TPR: variants seen among roughly 807,000 people sequenced by gnomAD.
TPR encodes the protein nucleoprotein TPR.
In TPR, 51 loss-of-function variants were observed where a neutral mutation model predicts 316.1. The ratio of observed to expected loss-of-function variants is 0.16; its 90% CI spans 0.13 to 0.20. The LOEUF (loss-of-function observed/expected upper bound fraction) is 0.20, where lower values mean the gene tolerates loss of function less well. Ranked by LOEUF, TPR falls within the 10% of genes least tolerant of loss-of-function variation. The pLI, the probability that TPR is intolerant of heterozygous loss-of-function variation, is 1.00. For synonymous variants in TPR, 981 were observed against 914.7 expected, an observed-to-expected ratio of 1.07 and a Z score of -1.31; for missense variants, 2,272 against 2,754.8, an observed-to-expected ratio of 0.82 and a Z score of 3.92.
chr1:186,349,673 A>AT lies in TPR; in HGVS notation c.2776+549_2776+550insA, dbSNP rs1194394984. On this transcript the variant is annotated intron_variant, in intron 21 of 50. Coordinates refer to ENST00000367478, the MANE Select transcript of TPR (RefSeq NM_003292.3). ...AGACTCTCTCTCAAAAAAAAAAAAA[A>AT]AAATAAATAAATAAATAAAACCATA... Among the ~76,000 whole-genome samples, 453 of 139,818 alleles carry AT rather than the reference A, an allele frequency of 3.2e-3. 2 individuals carry two copies. Among genetic ancestry groups the AT allele is most frequent in the East Asian group, 0.013 (63 of 4,798 alleles). 91.7% of individuals were successfully genotyped at this position (139,818 alleles called of 152,430 possible).
Position 186,339,652 on chromosome 1 carries a change from C to A in TPR, c.4141G>T (p.Glu1381Ter). 6.4e-7 allele frequency: 1 copy of A among 1,573,938 alleles called. No homozygotes were observed. Among genetic ancestry groups the A allele is most frequent in the Non-Finnish European group, 8.6e-7 (1 of 1,163,384 alleles). The change falls in exon 30 of 51, where the codon GAA (glutamate) becomes TAA (stop). Residue 1381 changes from glutamate to a stop codon, truncating the protein, a stop_gained. Coordinates refer to ENST00000367478, the MANE Select transcript of TPR (RefSeq NM_003292.3). LOFTEE classifies it high-confidence loss of function. ...LTEEIGRLKA[E>*]IARSNASLTN... ...CTTCTTTCCATATACCTTGCAATTT[C>A]AGCTTTAAGTCTACCAATTTCTTCT...
rs79758519 is a variant in TPR, at chr1:186,343,591, A to G, written c.3603-118T>C. On this transcript the variant is annotated intron_variant, in intron 26 of 50. Transcript: ENST00000367478. ...ACTTTAATAACTATTACACGTTTTC[A>G]TTAATAATAAATAATAATGGGAGAT... 1.5e-3 allele frequency: 1,356 copies of G among 917,642 alleles called. 17 individuals carry two copies. In the African/African-American group the frequency reaches 0.021, roughly 14 times the overall value. The allele number at this position is 917,642 out of a possible 1,614,324, so 56.8% of individuals were successfully genotyped here. A position where few individuals can be genotyped will look rare whatever the true frequency, so the allele number is the denominator to read the frequency against.
intron 6 of TPR, 78 bp from the exon 7 acceptor site, chr1:186,362,458 A>G: frequency 1.7e-6 from 2 of 1,149,144 alleles, no homozygotes; most frequent in South Asian, 1.4e-5. Context: ...TATGCTGCTA[A>G]GGAAAAGCTA....
Position 186,333,377 on chromosome 1 carries a change from G to A in TPR, c.5200C>T (p.Pro1734Ser), listed in dbSNP as rs2102065394. ...ESQEAMQSEG[P>S]VEHVPVFGST... ...CCAAAAACTGGAACATGTTCCACAG[G>A]CCCTTCTGACTGCATAGCTGAAAAA... Residue 1734 changes from proline to serine, a missense_variant, in exon 37 of 51, where the codon CCT becomes TCT. By Grantham distance (74) the Pro-to-Ser change is moderately conservative. This residue lies in a region of TPR where 435 missense variants were observed against 461.1 expected (regional missense o/e 0.94). Transcript: ENST00000367478. The A allele has an allele frequency of 5.6e-6, 9 of 1,613,360 alleles. No individual in the cohort carries two copies. Among genetic ancestry groups the A allele is most frequent in the Non-Finnish European group, 7.6e-6 (9 of 1,179,540 alleles).
chr1:186,333,552 TC>T (rs777822266), intron 36 of TPR, among the ~76,000 whole-genome samples, 158 bp from the exon 37 acceptor site: 11 of 152,140 alleles, frequency 7.2e-5, no homozygotes, highest in Non-Finnish European at 1.2e-4. Context: ...ATTTTTATAT[TC>T]CCTATGTAAT....
Position 186,312,281 on chromosome 1 carries a change from G to A in TPR, c.*1690C>T. ...TGTATGGAGAAACGACACAGGTTAG[G>A]AGACGTCGCTTTGAACGTGCTATAG... On this transcript the variant is annotated 3_prime_UTR_variant, in exon 51 of 51. Transcript: ENST00000367478. The A allele has an allele frequency of 6.2e-7, 1 of 1,613,926 alleles. No homozygotes were observed. Among genetic ancestry groups the A allele is most frequent in the Non-Finnish European group, 8.5e-7 (1 of 1,179,930 alleles).
chr1:186,350,491 G>GA (rs1204553626), intron 20 of TPR, 103 bp from the exon 21 acceptor site: 19 of 862,088 alleles, frequency 2.2e-5, no homozygotes, highest in Non-Finnish European at 3.0e-5. Context: ...GAGAGTAACA[G>GA]AAAACAGATT....
rs764501953 is a variant in TPR, at chr1:186,362,845, T to C, written c.688A>G (p.Lys230Glu). ...CAATTTTACTAACTTACCTCTTCTT[T>C]TTTATTTTCAAGATTACATTTAAGC... Reference protein sequence around the residue: ...LELKCNLENKKEEVSRLEEQM... With the variant: ...LELKCNLENKEEEVSRLEEQM... Residue 230 changes from lysine (K) to glutamate (E), a missense_variant, in exon 6 of 51, where the codon AAA becomes GAA. Lys to Glu is a moderately conservative substitution (Grantham distance 56). Coordinates refer to ENST00000367478, the MANE Select transcript of TPR (RefSeq NM_003292.3). 56 of 1,583,856 alleles carry C rather than the reference T, an allele frequency of 3.5e-5. No individual in the cohort carries two copies. The highest frequency in any genetic ancestry group is 4.8e-5 in the Non-Finnish European group (56 of 1,171,944).
At chr1:186,344,257 C>G (rs377242595) in intron 25 of TPR, 118 bp downstream of exon 25, 1 of 1,367,428 alleles carries the variant, frequency 7.3e-7, no homozygotes, top group African/African-American at 1.5e-5. Flanking sequence ...CCCAATATCA[C>G]GCCATTGCAC....
chr1:186,342,389 C>T (rs1658536665), intron 27 of TPR: 1 of 152,144 alleles, frequency 6.6e-6, no homozygotes, highest in African/African-American at 2.4e-5. Flanking sequence ...TATTTACTTT[C>T]TATAGCCCAA....
intron 29 of TPR, 26 bp from the exon 30 acceptor site, chr1:186,339,798 A>AT (rs558107021): frequency 1.9e-5 from 30 of 1,544,330 alleles, no homozygotes; most frequent in Non-Finnish European, 2.5e-5. Context: ...TGCATACTTG[A>AT]TTTTTTTAGG....
chr1:186,325,560 A>T (rs1657899317), intron 42 of TPR: 1 of 435,174 alleles, frequency 2.3e-6, no homozygotes, highest in Non-Finnish European at 4.0e-6. Context: ...CAGCCCAATG[A>T]GGCAGAAAAG....
intron 45 of TPR, among the ~76,000 whole-genome samples, chr1:186,321,473 TA>T (rs1431561641): frequency 6.6e-6 from 1 of 152,204 alleles, no homozygotes; most frequent in Non-Finnish European, 1.5e-5. Context: ...GGTTTGAAAC[TA>T]AAAACTGCAA....
In TPR at chr1:186,343,888, A is replaced by G. The variant is rs1199964716; in HGVS notation, c.3602+18T>C. Reference sequence around the variant, plus strand: ...AGTTGTTATACCACAGAAATGAAGCAGTAAGAACATGATTTACCTGAGAAT... The same window carrying G: ...AGTTGTTATACCACAGAAATGAAGCGGTAAGAACATGATTTACCTGAGAAT... On this transcript the variant is annotated intron_variant, in intron 26 of 50. Transcript: ENST00000367478. 1.9e-6 allele frequency: 3 copies of G among 1,597,902 alleles called. No individual in the cohort carries two copies. The highest frequency in any genetic ancestry group is 2.7e-5 in the African/African-American group (2 of 74,566).
chr1:186,329,816 C>T (rs773174772), intron 39 of TPR, among the ~76,000 whole-genome samples: 1 of 152,110 alleles, frequency 6.6e-6, no homozygotes, highest in Non-Finnish European at 1.5e-5. Flanking sequence ...TAGCTTGAGA[C>T]AATTCCTTAA....
chr1:186,344,631 A>G (rs1448008363), intron 24 of TPR, 53 bp from the exon 25 acceptor site: 2 of 1,368,102 alleles, frequency 1.5e-6, no homozygotes, highest in Non-Finnish European at 1.9e-6. Context: ...CCATAAAACT[A>G]GTTAGCACTT....
chr1:186,314,483 G>T, intron 50 of TPR, 146 bp downstream of exon 50: 1 of 524,732 alleles, frequency 1.9e-6, no homozygotes, highest in Non-Finnish European at 3.2e-6. Flanking sequence ...TTACAGATTG[G>T]TAAATATCAC....
rs1289545499 is a variant in TPR at position 186,313,044 on chromosome 1, T to C, written c.*927A>G. On this transcript the variant is annotated 3_prime_UTR_variant, in exon 51 of 51. Coordinates refer to ENST00000367478, the MANE Select transcript of TPR (RefSeq NM_003292.3). ...TTGCTGTGGAAAAGAGTTAAGACTT[T>C]TGCTTTAATTTCAATTAAAATGATG... 5 of 819,226 alleles carry C rather than the reference T, an allele frequency of 6.1e-6. No individual in the cohort carries two copies. The highest frequency in any genetic ancestry group is 1.7e-5 in the African/African-American group (1 of 58,114). 50.7% of individuals were successfully genotyped at this position (819,226 alleles called of 1,614,324 possible).
chr1:186,348,305 G>C (rs1247259333), intron 21 of TPR, among the ~76,000 whole-genome samples: 2 of 152,158 alleles, frequency 1.3e-5, no homozygotes, highest in African/African-American at 4.8e-5. Flanking sequence ...TAAGGACTGA[G>C]ATAAGCCCTG....
Sources: allele counts gnomAD v4.1 joint callset (sites outside exome capture counted in the v4.1 genomes callset), GRCh38; gene constraint gnomAD v4.1.1; regional missense constraint gnomAD v4.1.1; transcripts MANE v1.5; gene names NCBI Gene and HGNC (gene_info 2026-07-23, HGNC 2026-07-21).